The following ADGRL2 variants were observed in gnomAD, a reference collection of about 807,000 sequenced individuals.
ADGRL2 encodes calcium-independent alpha-latrotoxin receptor 2.
In ADGRL2, 44 loss-of-function variants were observed where a neutral mutation model predicts 157.4. That is an observed-to-expected ratio of 0.28 (90% confidence interval 0.22 to 0.36). ADGRL2 has a LOEUF of 0.36. Among genes scored for constraint, ADGRL2 ranks in the 10% least tolerant of loss-of-function variants. The pLI is 1.00. For missense variants in ADGRL2, 1,510 were observed against 1,768.9 expected (o/e 0.85, Z 2.63); for synonymous variants, 585 against 624.7 (o/e 0.94, Z 0.95).
chr1:81,747,513 G>T (rs946217609), intron 1 of ADGRL2, among the ~76,000 whole-genome samples: 1 of 151,848 alleles, frequency 6.6e-6, no homozygotes, highest in African/African-American at 2.4e-5. Context: ...TGTTCCCCAG[G>T]CTGGTCTCAA....
intron 1 of ADGRL2, among the ~76,000 whole-genome samples, chr1:81,343,087 C>CTTTTTTTTTTT (rs764039251): frequency 7.1e-5 from 9 of 127,488 alleles, no homozygotes; most frequent in African/African-American, 1.8e-4. Context: ...TTTCTTTTTT[C>CTTTTTTTTTTT]TTTTCTTTTT....
intron 3 of ADGRL2, among the ~76,000 whole-genome samples, chr1:81,693,050 G>C (rs2083374205): frequency 6.6e-6 from 1 of 152,150 alleles, no homozygotes; most frequent in Admixed American, 6.5e-5. Flanking sequence ...ACAGAGGTAG[G>C]CCTAGAGTGC....
intron 23 of ADGRL2, chr1:81,989,579 C>T (rs1664152749): frequency 8.5e-7 from 1 of 1,183,004 alleles, no homozygotes; most frequent in Non-Finnish European, 1.2e-6. Context: ...TGAACCCTTG[C>T]TCTGACTAAG....
intron 4 of ADGRL2, among the ~76,000 whole-genome samples, chr1:81,938,512 T>C (rs1409569675): frequency 6.6e-6 from 1 of 151,786 alleles, no homozygotes; most frequent in Non-Finnish European, 1.5e-5. Context: ...CCCAGAAGTA[T>C]TGTACGTTGT....
chr1:81,361,222 T>C (rs2075973117), intron 1 of ADGRL2, among the ~76,000 whole-genome samples: 1 of 151,956 alleles, frequency 6.6e-6, no homozygotes, highest in South Asian at 2.1e-4. Context: ...TGGCGATCCA[T>C]TGATTTCCAA....
chr1:81,772,358 C>T (rs533509396), intron 2 of ADGRL2, among the ~76,000 whole-genome samples: 3 of 152,102 alleles, frequency 2.0e-5, no homozygotes, highest in African/African-American at 7.2e-5. Flanking sequence ...AAAGTTTAAC[C>T]TGTAAACTAA....
At chr1:81,723,183 G>C in intron 1 of ADGRL2, 1 of 510,918 alleles carries the variant, frequency 2.0e-6, no homozygotes, top group Non-Finnish European at 3.5e-6. Context: ...AAGAGAGCTG[G>C]GGTGCTTTGA....
chr1:81,706,693 A>C (rs2083748808), intron 1 of ADGRL2, among the ~76,000 whole-genome samples: 1 of 152,210 alleles, frequency 6.6e-6, no homozygotes, highest in Non-Finnish European at 1.5e-5. Flanking sequence ...CAGAAGTTGC[A>C]GTCACACAGT....
At chr1:81,633,311 G>A (rs527474568) in intron 3 of ADGRL2, among the ~76,000 whole-genome samples, 62 of 152,106 alleles carry the variant, frequency 4.1e-4, no homozygotes, top group Non-Finnish European at 8.1e-4. Context: ...AAGAGAACAT[G>A]CTGGGCGGGC....
chr1:81,829,837 C>A (rs1216790138), intron 1 of ADGRL2, among the ~76,000 whole-genome samples: 1 of 152,042 alleles, frequency 6.6e-6, no homozygotes, highest in African/African-American at 2.4e-5. Flanking sequence ...CTCTTCCTAC[C>A]CTTATATAGT....
At chr1:81,395,731 A>G (rs950718687) in intron 1 of ADGRL2, among the ~76,000 whole-genome samples, 6 of 152,132 alleles carry the variant, frequency 3.9e-5, no homozygotes, top group Admixed American at 2.6e-4. Context: ...ACAGTGAAGG[A>G]TGGGGGTCTA....
intron 1 of ADGRL2, among the ~76,000 whole-genome samples, chr1:81,700,149 A>C (rs1269391568): frequency 1.3e-5 from 2 of 152,200 alleles, no homozygotes; most frequent in Non-Finnish European, 2.9e-5. Context: ...ACCTTTATTC[A>C]AGATTTAAAT....
intron 2 of ADGRL2, among the ~76,000 whole-genome samples, chr1:81,869,790 AG>A (rs2093644319): frequency 6.6e-6 from 1 of 152,072 alleles, no homozygotes; most frequent in East Asian, 1.9e-4. Context: ...AGACGTGTTA[AG>A]TTTTTTTTAA....
intron 2 of ADGRL2, among the ~76,000 whole-genome samples, chr1:81,768,137 C>T (rs2086208215): frequency 6.6e-6 from 1 of 151,786 alleles, no homozygotes; most frequent in African/African-American, 2.4e-5. Context: ...ACTTGAACTC[C>T]TGGGCTCAAG....
At chr1:81,829,122 A>G (rs1307864853) in intron 1 of ADGRL2, among the ~76,000 whole-genome samples, 21 of 151,876 alleles carry the variant, frequency 1.4e-4, no homozygotes, top group Non-Finnish European at 2.2e-4. Context: ...GCATTGGCCA[A>G]GCTGGTCTCG....
intron 3 of ADGRL2, among the ~76,000 whole-genome samples, chr1:81,651,363 G>T (rs2082416562): frequency 6.6e-6 from 1 of 152,054 alleles, no homozygotes; most frequent in Non-Finnish European, 1.5e-5. Flanking sequence ...AAGTAGGTTG[G>T]GGCAGAGTCT....
chr1:81,477,999 A>G (rs1321583106), intron 2 of ADGRL2, among the ~76,000 whole-genome samples: 3 of 152,084 alleles, frequency 2.0e-5, no homozygotes, highest in Non-Finnish European at 4.4e-5. Context: ...AACTGAAGAG[A>G]GCATTTTTTG....
intron 2 of ADGRL2, among the ~76,000 whole-genome samples, chr1:81,461,932 G>GT: frequency 1.5e-5 from 1 of 67,592 alleles, no homozygotes; most frequent in African/African-American, 8.4e-5. Flanking sequence ...AAGAAGAAAG[G>GT]GGGGGGGGGG....
chr1:81,692,086 A>T (rs2083351924), intron 3 of ADGRL2, among the ~76,000 whole-genome samples: 2 of 151,632 alleles, frequency 1.3e-5, no homozygotes, highest in African/African-American at 4.8e-5. Context: ...ACAGAAAGCA[A>T]TTTTTCCTCA....
Sources: allele counts gnomAD v4.1 joint callset (sites outside exome capture counted in the v4.1 genomes callset), GRCh38; gene constraint gnomAD v4.1.1; transcripts MANE v1.5; gene names NCBI Gene and HGNC (gene_info 2026-07-23, HGNC 2026-07-21).